ZNRF3: variants seen among roughly 807,000 people sequenced by gnomAD.
ZNRF3 encodes the protein zinc and ring finger 3.
Under a neutral mutation model 72.5 loss-of-function variants are expected in ZNRF3, and 23 were observed. The ratio of observed to expected loss-of-function variants is 0.32; its 90% CI spans 0.23 to 0.45. The LOEUF (loss-of-function observed/expected upper bound fraction) is 0.45, where lower values mean the gene tolerates loss of function less well. Ranked by LOEUF, ZNRF3 falls within the 20% of genes least tolerant of loss-of-function variation. The pLI, the probability that ZNRF3 is intolerant of heterozygous loss-of-function variation, is 1.00. For missense variants in ZNRF3, 1,169 were observed against 1,272.1 expected, an observed-to-expected ratio of 0.92 and a Z score of 1.23; for synonymous variants, 610 against 545.3, an observed-to-expected ratio of 1.12 and a Z score of -1.65.
chr22:28,989,343 A>ATC (rs993327819), intron 2 of ZNRF3, among the ~76,000 whole-genome samples: 3 of 152,008 alleles, frequency 2.0e-5, no homozygotes, highest in Admixed American at 6.5e-5. Flanking sequence ...ATGAGTCAAG[A>ATC]TCTCTCTCTC....
At chr22:29,008,560 C>T in intron 2 of ZNRF3, among the ~76,000 whole-genome samples, 1 of 152,224 alleles carries the variant, frequency 6.6e-6, no homozygotes, top group South Asian at 2.1e-4. Flanking sequence ...TTCTCGTCAG[C>T]ATCAAGGCCA....
chr22:29,055,172 T>G lies in ZNRF3; in HGVS notation c.*1550T>G, dbSNP rs2037278065. ...CAGATCAGGGATTGTCATCCTTTTTTGTCCAATGTATTCCTTGTTCTTTAA... is the reference window on the plus strand; with the variant it reads ...CAGATCAGGGATTGTCATCCTTTTTGGTCCAATGTATTCCTTGTTCTTTAA... On this transcript the variant is annotated 3_prime_UTR_variant, in exon 9 of 9. Coordinates refer to ENST00000544604, the MANE Select transcript of ZNRF3 (RefSeq NM_001206998.2). 1 of 152,690 alleles carries G rather than the reference T, an allele frequency of 6.5e-6. No homozygotes were observed. Among genetic ancestry groups the G allele is most frequent in the Non-Finnish European group, 1.5e-5 (1 of 68,058 alleles). The allele number at this position is 152,690 out of a possible 1,614,324, so 9.5% of individuals were successfully genotyped here.
intron 1 of ZNRF3, among the ~76,000 whole-genome samples, chr22:28,915,117 T>C (rs1415540952): frequency 6.6e-6 from 1 of 152,258 alleles, no homozygotes; most frequent in Non-Finnish European, 1.5e-5. Context: ...ATATTAAGTA[T>C]CCTTTGGTTG....
At chr22:28,886,182 G>A (rs1224898708) in intron 1 of ZNRF3, among the ~76,000 whole-genome samples, 1 of 152,232 alleles carries the variant, frequency 6.6e-6, no homozygotes, top group Admixed American at 6.5e-5. Context: ...TCAGGGATGT[G>A]TGTGTACAAA....
At chr22:28,953,420 G>T (rs776574890) in intron 1 of ZNRF3, among the ~76,000 whole-genome samples, 1 of 152,172 alleles carries the variant, frequency 6.6e-6, no homozygotes, top group Admixed American at 6.5e-5. Flanking sequence ...ATTATTAGTT[G>T]TCTCTTAAGT....
chr22:29,026,164 G>A (rs1350248088), intron 2 of ZNRF3: 1 of 152,168 alleles, frequency 6.6e-6, no homozygotes, highest in Non-Finnish European at 1.5e-5. Context: ...CCTATGGAAA[G>A]GTGATTATAG....
At chr22:28,982,375 A>T (rs1235519503) in intron 1 of ZNRF3, among the ~76,000 whole-genome samples, 1 of 138,784 alleles carries the variant, frequency 7.2e-6, no homozygotes, top group Admixed American at 7.8e-5. Context: ...AGGCGGAAGG[A>T]TTGCTTGCGC....
At chr22:28,931,730 A>C (rs1569250295) in intron 1 of ZNRF3, among the ~76,000 whole-genome samples, 4 of 152,186 alleles carry the variant, frequency 2.6e-5, no homozygotes, top group Admixed American at 1.3e-4. Flanking sequence ...GCAGTGGAAA[A>C]GACAAAAACC....
At chr22:29,010,762 C>T (rs2036334226) in intron 2 of ZNRF3, among the ~76,000 whole-genome samples, 1 of 152,180 alleles carries the variant, frequency 6.6e-6, no homozygotes, top group Admixed American at 6.5e-5. Context: ...CTCCGCCTCC[C>T]AGGTTCAAGC....
intron 1 of ZNRF3, among the ~76,000 whole-genome samples, chr22:28,922,964 T>C (rs1213283393): frequency 6.6e-6 from 1 of 152,174 alleles, no homozygotes; most frequent in Non-Finnish European, 1.5e-5. Flanking sequence ...AGAAGTTAAG[T>C]GACTTATCCA....
intron 1 of ZNRF3, among the ~76,000 whole-genome samples, chr22:28,985,163 C>T (rs988786477): frequency 5.9e-5 from 9 of 152,244 alleles, no homozygotes; most frequent in South Asian, 2.1e-4. Flanking sequence ...TACCACTGCT[C>T]CAAGAGGTTA....
At chr22:28,943,155 C>A (rs1473586014) in intron 1 of ZNRF3, among the ~76,000 whole-genome samples, 2 of 152,164 alleles carry the variant, frequency 1.3e-5, no homozygotes, top group African/African-American at 4.8e-5. Flanking sequence ...TGCTGCTGGT[C>A]TGATGTTTTT....
chr22:28,895,073 T>G (rs951954064), intron 1 of ZNRF3, among the ~76,000 whole-genome samples: 1 of 152,142 alleles, frequency 6.6e-6, no homozygotes, highest in African/African-American at 2.4e-5. Flanking sequence ...TGGCCATCCT[T>G]TCTGTCTCTG....
intron 2 of ZNRF3, among the ~76,000 whole-genome samples, chr22:29,003,462 C>T (rs1051680232): frequency 2.1e-5 from 3 of 146,066 alleles, no homozygotes; most frequent in Non-Finnish European, 3.0e-5. Context: ...TGCAGTGAGC[C>T]GAGATCGCGC....
rs768490024 is a variant in ZNRF3 at position 29,049,987 on chromosome 22, G to A, written c.1806G>A (p.Arg602=). 15 of 1,612,162 alleles carry A rather than the reference G, an allele frequency of 9.3e-6. No homozygotes were observed. The highest frequency in any genetic ancestry group is 1.1e-5 in the Non-Finnish European group (13 of 1,179,760). ...ATGACCCCTTCATCTACCGCAGCCG[G>A]AGCCCCTGTCGTGCCAGTGAGGCGG... The part of the protein sequence containing the change: ...SDYDPFIYRS[R]SPCRASEAGG... The change falls in exon 8 of 9, where the codon CGG becomes CGA. Residue 602 remains arginine (R), a synonymous_variant. Coordinates refer to ENST00000544604, the MANE Select transcript of ZNRF3 (RefSeq NM_001206998.2). The surrounding 1 kb of genome is among the most constrained non-coding windows in gnomAD (Gnocchi z 5.2).
At chr22:28,951,818 T>C (rs1054666826) in intron 1 of ZNRF3, among the ~76,000 whole-genome samples, 1 of 152,164 alleles carries the variant, frequency 6.6e-6, no homozygotes, top group African/African-American at 2.4e-5. Context: ...CTCACGCTAA[T>C]GAAGAATGCA....
rs900168022 is a variant in ZNRF3 at position 29,056,849 on chromosome 22, A to G, written c.*3227A>G. The G allele has an allele frequency of 6.6e-6, 1 of 152,216 alleles. No individual in the cohort carries two copies. Among genetic ancestry groups the G allele is most frequent in the Non-Finnish European group, 1.5e-5 (1 of 68,044 alleles). The allele number at this position is 152,216 out of a possible 1,614,324, so 9.4% of individuals were successfully genotyped here. On this transcript the variant is annotated 3_prime_UTR_variant, in exon 9 of 9. Coordinates refer to ENST00000544604, the MANE Select transcript of ZNRF3 (RefSeq NM_001206998.2). ...GTCTCCTCCTAATCCAAGCCCTTTT[A>G]TAAAATAAAGCCCCTTCTGTCCCAC...
chr22:29,015,127 A>G (rs2036410408), intron 2 of ZNRF3, among the ~76,000 whole-genome samples: 1 of 152,252 alleles, frequency 6.6e-6, no homozygotes, highest in Admixed American at 6.5e-5. Flanking sequence ...AGTCTTACAG[A>G]AAGTTAGCTC....
At chr22:29,025,020 C>T (rs1033551296) in intron 2 of ZNRF3, 2 of 130,924 alleles carry the variant, frequency 1.5e-5, no homozygotes, top group Non-Finnish European at 3.1e-5. Flanking sequence ...CTCGCTCTGT[C>T]GCCCAGGCTG....
Sources: gnomAD v4.1 joint callset for allele counts (sites outside exome capture counted in the v4.1 genomes callset) on GRCh38, gnomAD v4.1.1 for gene constraint, Gnocchi (gnomAD v3.1) non-coding constraint, MANE v1.5 for transcripts, NCBI Gene and HGNC (gene_info 2026-07-23, HGNC 2026-07-21) for gene names.